Variants in CEP44 observed in about 807,000 individuals in gnomAD.
CEP44 encodes the protein centrosomal protein 44.
Under a neutral mutation model 46.7 loss-of-function variants are expected in CEP44, and 45 were observed. The observed-to-expected ratio is 0.96, with a 90% CI of 0.76 to 1.24. The LOEUF (loss-of-function observed/expected upper bound fraction) is 1.24. Among genes scored for constraint, CEP44 ranks in the 50% most tolerant of loss-of-function variants. CEP44 has a pLI of 0.00. For missense variants in CEP44, 475 were observed against 459.7 expected (o/e 1.03, Z -0.30); for synonymous variants, 142 against 146.0 (o/e 0.97, Z 0.20).
At position 174,331,425 on chromosome 4, in the gene CEP44, A is replaced by T. The variant is rs1731314022; in HGVS notation, c.1087-57A>T. 6.5e-7 allele frequency: 1 copy of T among 1,534,684 alleles called. No homozygotes were observed. The highest frequency in any genetic ancestry group is 8.8e-7 in the Non-Finnish European group (1 of 1,136,956). On this transcript the variant is annotated intron_variant, in intron 8 of 8. Coordinates refer to the CEP44 transcript ENST00000426172. The surrounding 1 kb of genome is among the most constrained non-coding windows in gnomAD (Gnocchi z 4.5). ...ACACTGCTCTAATTCCTATCTACCC[A>T]TTCTGCCAATGCATTTAGATCATAT...
chr4:174,293,624 T>C (rs2126525479), intron 1 of CEP44, among the ~76,000 whole-genome samples: 1 of 152,332 alleles, frequency 6.6e-6, no homozygotes, highest in South Asian at 2.1e-4. Flanking sequence ...GGAAAACATT[T>C]GACTTTTGTA....
downstream of CEP44, among the ~76,000 whole-genome samples, chr4:174,325,088 C>T (rs894443315): frequency 3.8e-4 from 58 of 152,086 alleles, no homozygotes; most frequent in South Asian, 2.1e-4. This position sits in a 1 kb window ranked among gnomAD's most constrained non-coding sequence, Gnocchi z 4.4. Flanking sequence ...GGTCTCTCAT[C>T]GTAGTTTTAG....
chr4:174,290,271 A>G lies in CEP44; in HGVS notation c.-148+6328A>G, dbSNP rs972839783. Among the ~76,000 whole-genome samples the G allele has an allele frequency of 2.0e-5, 3 of 151,780 alleles. No homozygotes were observed. The highest frequency in any genetic ancestry group is 2.0e-4 in the Admixed American group (3 of 15,240). On this transcript the variant is annotated intron_variant, in intron 1 of 11. Coordinates refer to ENST00000503780, the MANE Select transcript of CEP44 (RefSeq NM_001040157.3). The surrounding 1 kb of genome is among the most constrained non-coding windows in gnomAD (Gnocchi z 4.3). ...TATTGTTTGTCTTGAGATATTTTAT[A>G]ATTTCTGTTTTGATTTATTCTTTGA... is the stretch of plus-strand genomic sequence containing the variant.
chr4:174,302,215 T>A, intron 4 of CEP44, 29 bp downstream of exon 4: 17 of 1,404,984 alleles, frequency 1.2e-5, no homozygotes, highest in Middle Eastern at 1.8e-4. Flanking sequence ...ACAATAACTA[T>A]TAGTTATTGA....
downstream of CEP44, among the ~76,000 whole-genome samples, chr4:174,320,684 C>CTGTG (rs34832692): frequency 0.46 from 68,101 of 146,508 alleles, 16,514 homozygotes; most frequent in Non-Finnish European, 0.55. Context: ...TGAGTGTGCT[C>CTGTG]TGTGTGTGTG....
At chr4:174,304,174 G>A (rs1740094986) in intron 5 of CEP44, 73 bp from the exon 6 acceptor site, 3 of 1,449,620 alleles carry the variant, frequency 2.1e-6, no homozygotes. Flanking sequence ...AAATTTAAAT[G>A]TTAATGGAAT....
At chr4:174,299,811 A>G (rs758723853) in intron 3 of CEP44, among the ~76,000 whole-genome samples, 7 of 152,206 alleles carry the variant, frequency 4.6e-5, no homozygotes, top group Non-Finnish European at 8.8e-5. Context: ...CAACGTTTTT[A>G]GAATATGGCA....
chr4:174,328,706 C>T (rs1388731103), intron 8 of CEP44, among the ~76,000 whole-genome samples: 1 of 152,068 alleles, frequency 6.6e-6, no homozygotes, highest in Non-Finnish European at 1.5e-5. Context: ...AAGAATTTCT[C>T]AACAAATATG....
Position 174,304,297 on chromosome 4 carries a change from T to A in CEP44, c.435T>A (p.Pro145=), listed in dbSNP as rs1276962272. The change falls in exon 6 of 12, where the codon CCT becomes CCA. Residue 145 remains proline, a synonymous_variant. Transcript: ENST00000503780. ...KKISSGKSEP[P]LGNEKISAEA... ...TCAGTTCTGGTAAGTCAGAACCTCC[T>A]TTGGGCAATGAGAAAATATCTGCAG... The A allele has an allele frequency of 1.9e-6, 3 of 1,611,632 alleles. No individual in the cohort carries two copies. The highest frequency in any genetic ancestry group is 1.7e-6 in the Non-Finnish European group (2 of 1,179,392).
At position 174,310,071 on chromosome 4, in the gene CEP44, T is replaced by C; in HGVS notation, c.885+15T>C. The C allele has an allele frequency of 6.3e-7, 1 of 1,597,644 alleles. No individual in the cohort carries two copies. Among genetic ancestry groups the C allele is most frequent in the Non-Finnish European group, 8.5e-7 (1 of 1,173,480 alleles). On this transcript the variant is annotated intron_variant, in intron 8 of 11. Transcript: ENST00000503780. This position sits in a 1 kb window ranked among gnomAD's most constrained non-coding sequence, Gnocchi z 4.2. ...TGTCTAAAAAGGTATTTTCCTCCTT[T>C]AACATTTATAAAATATCTCAGATAT...
At chr4:174,328,415 T>G (rs1043926793) in intron 8 of CEP44, among the ~76,000 whole-genome samples, 1 of 152,210 alleles carries the variant, frequency 6.6e-6, no homozygotes, top group African/African-American at 2.4e-5. Flanking sequence ...AATTTTGTAT[T>G]TCCATAGTAA....
In CEP44 at chr4:174,304,360, C is replaced by A; in HGVS notation, c.498C>A (p.Thr166=). 4 of 1,609,072 alleles carry A rather than the reference C, an allele frequency of 2.5e-6. No homozygotes were observed. Among genetic ancestry groups the A allele is most frequent in the Non-Finnish European group, 3.4e-6 (4 of 1,178,738 alleles). Residue 166 remains threonine (T), a synonymous_variant, in exon 6 of 12, where the codon ACC becomes ACA. Coordinates refer to ENST00000503780, the MANE Select transcript of CEP44 (RefSeq NM_001040157.3). ...VGVDISGRFM[T]SGKKKAVVIR... ...TTGATATCAGTGGCAGGTTTATGAC[C>A]TCAGGAAAGGTATGCAACCACAAAG...
chr4:174,292,811 T>G (rs1444419942), intron 1 of CEP44, among the ~76,000 whole-genome samples: 2 of 152,216 alleles, frequency 1.3e-5, no homozygotes, highest in African/African-American at 2.4e-5. Flanking sequence ...ATTTGTTTGT[T>G]TGTTTTTGTA....
chr4:174,316,242 T>A lies in CEP44; in HGVS notation c.1038T>A (p.Thr346=). The change falls in exon 10 of 12, where the codon ACT becomes ACA. Residue 346 remains threonine (T), a synonymous_variant. Transcript: ENST00000503780. ...ATAGTACAGCATCATCAGATTCAAC[T>A]CCCAGAGCCTCTACTGTTAATTACT... ...SGYSTASSDS[T]PRASTVNYCG... The A allele has an allele frequency of 6.2e-7, 1 of 1,612,280 alleles. No homozygotes were observed.
rs569255001 is a variant in CEP44 at position 174,299,018 on chromosome 4, G to T, written c.-50-54G>T. ...GGAGATATGACCAAAATAGAATCAAGAAGCTTCAAAAATACAGAGACTTAA... is the reference window on the plus strand; with the variant it reads ...GGAGATATGACCAAAATAGAATCAATAAGCTTCAAAAATACAGAGACTTAA... On this transcript the variant is annotated intron_variant, in intron 2 of 11. Transcript: ENST00000503780. 45 of 988,428 alleles carry T rather than the reference G, an allele frequency of 4.6e-5. No individual in the cohort carries two copies. In the African/African-American group the frequency reaches 6.7e-4, roughly 15 times the overall value. The allele number at this position is 988,428 out of a possible 1,614,324, so 61.2% of individuals were successfully genotyped here.
intron 8 of CEP44, among the ~76,000 whole-genome samples, chr4:174,328,924 A>G (rs760599548): frequency 1.7e-4 from 26 of 152,094 alleles, no homozygotes; most frequent in African/African-American, 3.4e-4. Flanking sequence ...CAGTGTGTAC[A>G]AGAGTAATGG....
upstream of CEP44, chr4:174,283,834 G>C (rs185012802): frequency 2.5e-6 from 1 of 398,704 alleles, no homozygotes; most frequent in Non-Finnish European, 4.4e-6. This position sits in a 1 kb window ranked among gnomAD's most constrained non-coding sequence, Gnocchi z 6.7. Flanking sequence ...TGGCCATTGA[G>C]GAGGCTCTCA....
At chr4:174,294,984 A>AC (rs1328402237) in intron 1 of CEP44, among the ~76,000 whole-genome samples, 1 of 115,522 alleles carries the variant, frequency 8.7e-6, no homozygotes, top group Non-Finnish European at 1.7e-5. Context: ...TGGGGGGCTG[A>AC]CCCCCCCACC....
chr4:174,291,844 G>A (rs563399259), intron 1 of CEP44, among the ~76,000 whole-genome samples: 105 of 129,112 alleles, frequency 8.1e-4, no homozygotes, highest in Non-Finnish European at 1.5e-3. Context: ...AGGCTGGAGT[G>A]CAGTGACATG....
Sources: gnomAD v4.1 joint callset for allele counts (sites outside exome capture counted in the v4.1 genomes callset) on GRCh38, gnomAD v4.1.1 for gene constraint, Gnocchi (gnomAD v3.1) non-coding constraint, MANE v1.5 for transcripts, NCBI Gene and HGNC (gene_info 2026-07-23, HGNC 2026-07-21) for gene names.